MAP4: variants seen among roughly 807,000 people sequenced by gnomAD.
The protein encoded by MAP4 is microtubule-associated protein 4.
A neutral mutation model predicts 170.2 loss-of-function variants in MAP4; 76 were observed. That is an observed-to-expected ratio of 0.45 (90% CI 0.37 to 0.54). The LOEUF is 0.54. MAP4 is among the 20% of genes least tolerant of loss of function. MAP4 has a pLI of 0.00. For synonymous variants in MAP4, 909 were observed against 994.5 expected (o/e 0.91, Z 1.62); for missense variants, 2,506 against 2,748.0 (o/e 0.91, Z 1.97).
At chr3:47,880,331 A>G (rs1486713264) in intron 10 of MAP4, among the ~76,000 whole-genome samples, 3 of 138,190 alleles carry the variant, frequency 2.2e-5, no homozygotes, top group Non-Finnish European at 4.5e-5. Context: ...GATGGTCTCC[A>G]TCTCCTGACC....
At chr3:48,066,829 T>A (rs1231204667) in intron 1 of MAP4, among the ~76,000 whole-genome samples, 1 of 17,622 alleles carries the variant, frequency 5.7e-5, no homozygotes, top group Non-Finnish European at 1.3e-4. Flanking sequence ...TTCCTTTTTT[T>A]TTTTTTTTTT....
At chr3:48,062,494 T>TAAAAAAAAAAAAAAAAAAAAAAAAAAAAA in intron 1 of MAP4, among the ~76,000 whole-genome samples, 1 of 81,554 alleles carries the variant, frequency 1.2e-5, no homozygotes, top group Non-Finnish European at 2.2e-5. Context: ...GAATGATCAA[T>TAAAAAAAAAAAAAAAAAAAAAAAAAAAAA]AAAAAAAAAA....
rs760171596 is a variant in MAP4 at position 47,855,295 on chromosome 3, C to T, written c.6649G>A (p.Gly2217Arg). 6 of 1,614,096 alleles carry T rather than the reference C, an allele frequency of 3.7e-6. No individual in the cohort carries two copies. Among genetic ancestry groups the T allele is most frequent in the Non-Finnish European group, 5.1e-6 (6 of 1,179,982 alleles). ...AGGTGGCCCACATTATCGAGGGATC[C>T]CACCTTGGCCTGGGCCTTCTCCTTG... ...NFKEKAQAKVGSLDNVGHLPA... is the reference protein window; with the variant it reads ...NFKEKAQAKVRSLDNVGHLPA... Residue 2217 changes from glycine to arginine, a missense_variant, in exon 19 of 21, where the codon GGA (glycine) becomes AGA (arginine). Physicochemically the swap from Gly to Arg is moderately radical, Grantham distance 125. Transcript: ENST00000683076. This position sits in a 1 kb window ranked among gnomAD's most constrained non-coding sequence, Gnocchi z 5.1.
chr3:47,984,921 A>T (rs1309914993), intron 2 of MAP4, among the ~76,000 whole-genome samples: 1 of 151,690 alleles, frequency 6.6e-6, no homozygotes, highest in Non-Finnish European at 1.5e-5. Context: ...GTGAGCCGAG[A>T]TCATGCCACT....
At chr3:47,873,308 G>T (rs1025604277) in intron 12 of MAP4, among the ~76,000 whole-genome samples, 5 of 152,190 alleles carry the variant, frequency 3.3e-5, no homozygotes, top group South Asian at 2.1e-4. Flanking sequence ...ATAAGGGAAA[G>T]AATCAGTTTA....
intron 3 of MAP4, among the ~76,000 whole-genome samples, chr3:47,945,218 G>A (rs1385268323): frequency 2.0e-5 from 3 of 151,904 alleles, no homozygotes; most frequent in Non-Finnish European, 4.4e-5. Flanking sequence ...CAGGCATGGT[G>A]GCATGCGACT....
exon 1 of MAP4, chr3:48,088,807 A>T (rs1273595144): frequency 2.0e-5 from 3 of 151,852 alleles, no homozygotes; most frequent in African/African-American, 7.3e-5. Flanking sequence ...GGCAGAAGGG[A>T]GCCAGGAGAG....
intron 10 of MAP4, among the ~76,000 whole-genome samples, chr3:47,878,531 C>G (rs949377900): frequency 6.6e-6 from 1 of 152,034 alleles, no homozygotes; most frequent in African/African-American, 2.4e-5. Flanking sequence ...AATAAAAAAA[C>G]CCCACTGAAA....
At chr3:48,039,608 G>C (rs1284828411) in intron 1 of MAP4, 1 of 152,200 alleles carries the variant, frequency 6.6e-6, no homozygotes. Flanking sequence ...GTTTAAAAGA[G>C]ATTATGAAGT....
At chr3:48,045,075 G>A (rs2100123709) in intron 1 of MAP4, among the ~76,000 whole-genome samples, 1 of 151,662 alleles carries the variant, frequency 6.6e-6, no homozygotes, top group Admixed American at 6.6e-5. Context: ...TGGACAACAT[G>A]GTGAAAACCC....
intron 3 of MAP4, among the ~76,000 whole-genome samples, chr3:47,957,136 C>A (rs145797355): frequency 6.6e-6 from 1 of 152,242 alleles, no homozygotes; most frequent in African/African-American, 2.4e-5. Flanking sequence ...TATAAGTGCC[C>A]AATCTACCAC....
chr3:47,889,264 C>G (rs891829100), intron 10 of MAP4, among the ~76,000 whole-genome samples: 1 of 152,252 alleles, frequency 6.6e-6, no homozygotes, highest in African/African-American at 2.4e-5. Context: ...TGTTCTTTTA[C>G]CTAACATGAG....
intron 9 of MAP4, 78 bp from the exon 10 acceptor site, chr3:47,903,078 C>G (rs1246310079): frequency 4.8e-6 from 2 of 415,794 alleles, no homozygotes; most frequent in African/African-American, 4.3e-5. Flanking sequence ...TTACAGGGAT[C>G]CCAAACTGTC....
At chr3:47,936,700 C>A (rs1221541112) in intron 3 of MAP4, among the ~76,000 whole-genome samples, 1 of 151,062 alleles carries the variant, frequency 6.6e-6, no homozygotes, top group Non-Finnish European at 1.5e-5. Flanking sequence ...GAATCAGGAG[C>A]CCAGGCACGG....
At chr3:47,888,617 C>A (rs908690093) in intron 10 of MAP4, among the ~76,000 whole-genome samples, 1 of 152,210 alleles carries the variant, frequency 6.6e-6, no homozygotes, top group Admixed American at 6.5e-5. Flanking sequence ...ACCTTAAGAG[C>A]TGTAACACTC....
chr3:47,880,401 C>G (rs934033846), intron 10 of MAP4, among the ~76,000 whole-genome samples: 3 of 151,228 alleles, frequency 2.0e-5, no homozygotes, highest in African/African-American at 4.9e-5. Context: ...AGCCACCACA[C>G]CTGGCTGACA....
intron 9 of MAP4, among the ~76,000 whole-genome samples, chr3:47,904,586 AC>A (rs1056165154): frequency 7.2e-4 from 101 of 139,362 alleles, no homozygotes; most frequent in African/African-American, 2.5e-3. Flanking sequence ...TATTATTAAC[AC>A]CCGGATTAGT....
At chr3:48,052,650 T>C (rs2100128550) in intron 1 of MAP4, among the ~76,000 whole-genome samples, 1 of 152,242 alleles carries the variant, frequency 6.6e-6, no homozygotes, top group African/African-American at 2.4e-5. Context: ...TCAATAGAGC[T>C]ATTCTTTTTA....
intron 10 of MAP4, among the ~76,000 whole-genome samples, chr3:47,879,903 G>A (rs115165754): frequency 7.0e-4 from 107 of 152,200 alleles, no homozygotes; most frequent in African/African-American, 2.6e-3. Flanking sequence ...TCCTTGCCTT[G>A]TTCCCAATCT....
Sources: allele counts gnomAD v4.1 joint callset (sites outside exome capture counted in the v4.1 genomes callset), GRCh38; gene constraint gnomAD v4.1.1; non-coding constraint Gnocchi (gnomAD v3.1); transcripts MANE v1.5; gene names NCBI Gene and HGNC (gene_info 2026-07-23, HGNC 2026-07-21).